ARID5B: variants seen among roughly 807,000 people sequenced by gnomAD.
ARID5B encodes AT-rich interaction domain 5B, also known as AT-rich interactive domain-containing protein 5B.
A neutral mutation model predicts 97.2 loss-of-function variants in ARID5B; 13 were observed. That is an observed-to-expected ratio of 0.13 (90% confidence interval 0.09 to 0.21). The LOEUF is 0.21. ARID5B is among the 10% of genes least tolerant of loss of function. The pLI, the probability that ARID5B is intolerant of heterozygous loss-of-function variation, is 1.00. For synonymous variants in ARID5B, 556 were observed against 570.3 expected (o/e 0.97, Z 0.36); for missense variants, 1,210 against 1,465.3 (o/e 0.83, Z 2.84).
chr10:62,038,057 A>C, intron 4 of ARID5B, among the ~76,000 whole-genome samples: 1 of 152,112 alleles, frequency 6.6e-6, no homozygotes, highest in South Asian at 2.1e-4. Flanking sequence ...AAAGTAGTTT[A>C]TGTTCTCATG....
chr10:62,049,464 A>T (rs1202607790), intron 4 of ARID5B: 22 of 1,550,324 alleles, frequency 1.4e-5, no homozygotes, highest in Admixed American at 2.0e-5. Context: ...AGTCAGGCAG[A>T]TGTTTGTCGA....
chr10:61,944,910 A>G (rs1354502235), intron 3 of ARID5B, among the ~76,000 whole-genome samples: 2 of 152,172 alleles, frequency 1.3e-5, no homozygotes, highest in African/African-American at 4.8e-5. Context: ...AGACCCAAAG[A>G]TTATGTGTGG....
chr10:62,030,884 A>G (rs372646613), intron 4 of ARID5B, among the ~76,000 whole-genome samples: 12 of 152,326 alleles, frequency 7.9e-5, no homozygotes, highest in South Asian at 2.1e-4. Flanking sequence ...CGATTTTCTG[A>G]TATCAGTTTC....
At chr10:61,931,048 T>C (rs932289171) in intron 2 of ARID5B, among the ~76,000 whole-genome samples, 1 of 152,152 alleles carries the variant, frequency 6.6e-6, no homozygotes, top group Non-Finnish European at 1.5e-5. Flanking sequence ...GAGTTTCAAG[T>C]CAAAATTAGG....
At chr10:62,081,631 G>T (rs1840215073) in intron 8 of ARID5B, among the ~76,000 whole-genome samples, 1 of 152,230 alleles carries the variant, frequency 6.6e-6, no homozygotes, top group Non-Finnish European at 1.5e-5. Context: ...TTTTTGTTGA[G>T]AAAGAGAGGC....
At chr10:62,068,313 A>G (rs1271923349) in intron 7 of ARID5B, among the ~76,000 whole-genome samples, 2 of 152,114 alleles carry the variant, frequency 1.3e-5, no homozygotes. Context: ...AACTATTGAA[A>G]CCGATTGGTG....
intron 3 of ARID5B, among the ~76,000 whole-genome samples, chr10:61,981,597 T>G (rs1405418034): frequency 6.6e-6 from 1 of 152,124 alleles, no homozygotes; most frequent in Non-Finnish European, 1.5e-5. Context: ...TTTTTATCTT[T>G]TTTTTCCCTG....
At chr10:61,954,614 C>A (rs1589233570) in intron 3 of ARID5B, among the ~76,000 whole-genome samples, 1 of 152,048 alleles carries the variant, frequency 6.6e-6, no homozygotes, top group East Asian at 1.9e-4. Flanking sequence ...AACTGGTGTT[C>A]TTGTGGTTTA....
chr10:62,075,174 G>A (rs559519632), intron 8 of ARID5B, among the ~76,000 whole-genome samples: 7 of 152,334 alleles, frequency 4.6e-5, no homozygotes, highest in South Asian at 4.1e-4. Flanking sequence ...CGCACAGCCC[G>A]GGCCAGAGAG....
intron 3 of ARID5B, among the ~76,000 whole-genome samples, chr10:61,963,541 A>G (rs572425404): frequency 2.0e-5 from 3 of 152,156 alleles, no homozygotes; most frequent in African/African-American, 4.8e-5. Flanking sequence ...TCTCAATTGA[A>G]GATCCAGATG....
intron 2 of ARID5B, among the ~76,000 whole-genome samples, chr10:61,903,436 C>G (rs1383999207): frequency 1.3e-5 from 2 of 152,216 alleles, no homozygotes; most frequent in African/African-American, 4.8e-5. Context: ...GGGCTCCCCT[C>G]CTCAGCTGAC....
At chr10:62,024,260 T>C (rs1839391781) in intron 4 of ARID5B, among the ~76,000 whole-genome samples, 1 of 152,184 alleles carries the variant, frequency 6.6e-6, no homozygotes. Flanking sequence ...AGCAAGTAAA[T>C]AGATACATTT....
At chr10:62,026,180 T>C (rs1453694244) in intron 4 of ARID5B, among the ~76,000 whole-genome samples, 1 of 152,210 alleles carries the variant, frequency 6.6e-6, no homozygotes. Context: ...AACACAACCA[T>C]ATGAAACAAC....
intron 2 of ARID5B, among the ~76,000 whole-genome samples, chr10:61,912,433 A>G (rs1419631655): frequency 1.3e-5 from 2 of 152,088 alleles, no homozygotes; most frequent in African/African-American, 4.8e-5. Flanking sequence ...TGTTGTTACC[A>G]CATCAAAAAA....
intron 3 of ARID5B, among the ~76,000 whole-genome samples, chr10:61,995,276 T>G (rs2393731): frequency 0.97 from 148,408 of 152,298 alleles, 72,408 homozygotes; most frequent in East Asian, 1. Flanking sequence ...ATTGGAAGGG[T>G]GAAAATATCT....
At position 62,080,148 on chromosome 10, in the gene ARID5B, G is replaced by A. The variant is rs369005461; in HGVS notation, c.1200-5554G>A. On this transcript the variant is annotated intron_variant, in intron 8 of 9. Coordinates refer to ENST00000279873, the MANE Select transcript of ARID5B (RefSeq NM_032199.3). ...AGCGTGGCTTCTTACTCCGTGGTTTGGTGCCCCAGACTTTCAGTTCACATC... is the reference window on the plus strand; with the variant it reads ...AGCGTGGCTTCTTACTCCGTGGTTTAGTGCCCCAGACTTTCAGTTCACATC... Among the ~76,000 whole-genome samples the A allele has an allele frequency of 2.1e-4, 32 of 152,238 alleles. No homozygotes were observed. In the South Asian group the frequency reaches 6.6e-3, roughly 32 times the overall value.
In ARID5B at chr10:62,000,329, T is replaced by C; in HGVS notation, c.733+8T>C. Reference sequence around the variant, plus strand: ...GTATATGCGATGAGTTTGGTGAGTCTTTTTTTTTTTTTCCTACCTGATTCT... The same window carrying C: ...GTATATGCGATGAGTTTGGTGAGTCCTTTTTTTTTTTTCCTACCTGATTCT... On this transcript the variant is annotated splice_region_variant and intron_variant, in intron 4 of 9. Coordinates refer to ENST00000279873, the MANE Select transcript of ARID5B (RefSeq NM_032199.3). This position sits in a 1 kb window ranked among gnomAD's most constrained non-coding sequence, Gnocchi z 4.4. 3.3e-6 allele frequency: 1 copy of C among 301,088 alleles called. No individual in the cohort carries two copies. Among genetic ancestry groups the C allele is most frequent in the Non-Finnish European group, 5.0e-6 (1 of 201,378 alleles). The allele number at this position is 301,088 out of a possible 1,614,324, so 18.7% of individuals were successfully genotyped here. A position where few individuals can be genotyped will look rare whatever the true frequency, so the allele number is the denominator to read the frequency against.
intron 2 of ARID5B, among the ~76,000 whole-genome samples, chr10:61,934,607 G>A (rs1406876306): frequency 6.6e-6 from 1 of 152,100 alleles, no homozygotes; most frequent in Admixed American, 6.6e-5. Context: ...GATAGACTGG[G>A]GAAAAAGGCA....
intron 3 of ARID5B, among the ~76,000 whole-genome samples, chr10:61,948,442 C>T (rs1838273685): frequency 8.0e-6 from 1 of 125,248 alleles, no homozygotes; most frequent in South Asian, 2.5e-4. Context: ...ATTCGGATCC[C>T]TGCAACCTCT....
Sources: gnomAD v4.1 joint callset for allele counts (sites outside exome capture counted in the v4.1 genomes callset) on GRCh38, gnomAD v4.1.1 for gene constraint, Gnocchi (gnomAD v3.1) non-coding constraint, MANE v1.5 for transcripts, NCBI Gene and HGNC (gene_info 2026-07-23, HGNC 2026-07-21) for gene names.